The following NINL variants were observed in gnomAD, a reference collection of about 807,000 sequenced individuals.
NINL encodes ninein like, also known as ninein-like protein.
A neutral mutation model predicts 160.3 loss-of-function variants in NINL; 153 were observed. That is an observed-to-expected ratio of 0.95 (90% CI 0.84 to 1.09). The LOEUF is 1.09. Among genes scored for constraint, NINL ranks in the 50% least tolerant of loss-of-function variants. The pLI is 0.00. For missense variants in NINL, 1,829 were observed against 1,764.0 expected, an observed-to-expected ratio of 1.04 and a Z score of -0.66; for synonymous variants, 800 against 734.8, an observed-to-expected ratio of 1.09 and a Z score of -1.43.
rs140596312 is a variant in NINL, at chr20:25,461,377, G to C, written c.3696+145C>G. The C allele has an allele frequency of 7.5e-3, 4,250 of 568,490 alleles. 36 individuals are homozygous for C. Among genetic ancestry groups the C allele is most frequent in the Non-Finnish European group, 9.6e-3 (3,110 of 325,510 alleles). 35.2% of individuals were successfully genotyped at this position (568,490 alleles called of 1,614,324 possible). On this transcript the variant is annotated intron_variant, in intron 21 of 23. Coordinates refer to ENST00000278886, the MANE Select transcript of NINL (RefSeq NM_025176.6). ...CTGCACTGGGAGCAGCTTCGGTCCT[G>C]GCCCGGTAAGCACCTGGACAGCTGT...
chr20:25,482,023 G>T lies in NINL; in HGVS notation c.1755C>A (p.Ser585Arg). 1 of 1,598,668 alleles carries T rather than the reference G, an allele frequency of 6.3e-7. No individual in the cohort carries two copies. The highest frequency in any genetic ancestry group is 8.5e-7 in the Non-Finnish European group (1 of 1,179,774). The change falls in exon 14 of 24, where the codon AGC becomes AGA. Residue 585 changes from serine (S) to arginine (R), a missense_variant. Transcript: ENST00000278886. ...TGCGCCCATCCGGGCTCCATGAGGG[G>T]CTGTGCCGGTTCTTGGGCAGCCGCG... ...LWARLPKNRH[S>R]PSWSPDGRRR...
chr20:25,460,921 C>G (rs1347048047), intron 21 of NINL, among the ~76,000 whole-genome samples: 6 of 152,198 alleles, frequency 3.9e-5, no homozygotes, highest in African/African-American at 1.4e-4. Flanking sequence ...GCACCTTTGG[C>G]CGTTACACAC....
chr20:25,574,369 TAGG>T (rs2065091156), intron 1 of NINL, among the ~76,000 whole-genome samples: 1 of 151,642 alleles, frequency 6.6e-6, no homozygotes, highest in Non-Finnish European at 1.5e-5. Context: ...TTTTTTTTTC[TAGG>T]AGAATGCTTT....
chr20:25,540,482 G>C (rs1292979094), intron 1 of NINL, among the ~76,000 whole-genome samples: 1 of 152,116 alleles, frequency 6.6e-6, no homozygotes, highest in Non-Finnish European at 1.5e-5. Context: ...GGGAATTTAA[G>C]CTATGCCCCC....
intron 2 of NINL, among the ~76,000 whole-genome samples, chr20:25,521,995 C>T (rs998250903): frequency 2.0e-5 from 3 of 152,182 alleles, no homozygotes; most frequent in Non-Finnish European, 4.4e-5. Context: ...CAGCTTCAAT[C>T]TCCCAAGCTC....
intron 2 of NINL, among the ~76,000 whole-genome samples, chr20:25,520,581 T>C (rs1335716853): frequency 6.6e-6 from 1 of 152,238 alleles, no homozygotes; most frequent in Admixed American, 6.5e-5. Flanking sequence ...TTTGCCTCTG[T>C]ATCCTTTCAC....
chr20:25,538,923 C>A (rs917138908), intron 1 of NINL, among the ~76,000 whole-genome samples: 6 of 152,300 alleles, frequency 3.9e-5, no homozygotes. Context: ...GCAGAAGACA[C>A]TTGCCAGCCA....
chr20:25,515,829 G>T (rs1204723871), intron 3 of NINL, among the ~76,000 whole-genome samples: 2 of 152,074 alleles, frequency 1.3e-5, no homozygotes, highest in Non-Finnish European at 2.9e-5. Context: ...GGAATGCAGT[G>T]GTGCAATCTC....
chr20:25,569,021 G>T (rs1464830633), intron 1 of NINL, among the ~76,000 whole-genome samples: 1 of 151,718 alleles, frequency 6.6e-6, no homozygotes, highest in Non-Finnish European at 1.5e-5. Flanking sequence ...CTTGAGGTCA[G>T]GAGTTTCTGA....
intron 1 of NINL, among the ~76,000 whole-genome samples, chr20:25,559,654 G>A (rs1322491958): frequency 6.6e-6 from 1 of 152,162 alleles, no homozygotes; most frequent in Non-Finnish European, 1.5e-5. Flanking sequence ...AGGCTGGAGT[G>A]CAATGGCCCC....
At chr20:25,580,348 A>AAAAT in intron 1 of NINL, among the ~76,000 whole-genome samples, 1 of 150,872 alleles carries the variant, frequency 6.6e-6, no homozygotes, top group African/African-American at 2.4e-5. Context: ...AAAAAAAAAA[A>AAAAT]TGTAATGATT....
At chr20:25,468,225 C>T (rs936851240) in intron 18 of NINL, among the ~76,000 whole-genome samples, 5 of 152,094 alleles carry the variant, frequency 3.3e-5, no homozygotes, top group African/African-American at 7.2e-5. Flanking sequence ...CCCTGACTCT[C>T]GCTGATGGAT....
At chr20:25,491,912 G>A (rs2063649621) in intron 10 of NINL, among the ~76,000 whole-genome samples, 1 of 152,232 alleles carries the variant, frequency 6.6e-6, no homozygotes, top group African/African-American at 2.4e-5. Flanking sequence ...CTCCCAAGGA[G>A]GGAGGCAGCA....
intron 13 of NINL, among the ~76,000 whole-genome samples, chr20:25,484,474 G>A (rs750776939): frequency 1.3e-5 from 2 of 152,202 alleles, no homozygotes; most frequent in Non-Finnish European, 2.9e-5. Context: ...GCCAGCAAGT[G>A]TGGAAACATT....
chr20:25,491,349 A>G lies in NINL; in HGVS notation c.1485+2T>C. 6.2e-7 allele frequency: 1 copy of G among 1,604,186 alleles called. No homozygotes were observed. Among genetic ancestry groups the G allele is most frequent in the Non-Finnish European group, 8.5e-7 (1 of 1,177,106 alleles). ...TCCTGGATGCCCTGGGGATGCCCCT[A>G]CCTTCAGGGCCAGGGTCAGCTTCTC... is the stretch of plus-strand genomic sequence containing the variant. On this transcript the variant is annotated splice_donor_variant, in intron 11 of 23. Coordinates refer to ENST00000278886, the MANE Select transcript of NINL (RefSeq NM_025176.6). LOFTEE classifies it high-confidence loss of function.
intron 21 of NINL, among the ~76,000 whole-genome samples, chr20:25,460,827 T>C (rs1406256379): frequency 6.6e-6 from 1 of 152,188 alleles, no homozygotes; most frequent in Non-Finnish European, 1.5e-5. Context: ...GGAGAGACCC[T>C]TTCCCACAGC....
intron 1 of NINL, among the ~76,000 whole-genome samples, chr20:25,551,381 A>G (rs1392520960): frequency 6.6e-6 from 1 of 152,098 alleles, no homozygotes; most frequent in African/African-American, 2.4e-5. Flanking sequence ...AAATAAATAA[A>G]TAAAAAAAAA....
At chr20:25,579,140 G>A (rs1304171235) in intron 1 of NINL, among the ~76,000 whole-genome samples, 1 of 152,124 alleles carries the variant, frequency 6.6e-6, no homozygotes, top group Non-Finnish European at 1.5e-5. Flanking sequence ...TCCCTCGGAG[G>A]CAGTAAGGGA....
intron 1 of NINL, among the ~76,000 whole-genome samples, chr20:25,532,396 GC>G (rs1291243005): frequency 6.6e-6 from 1 of 152,262 alleles, no homozygotes; most frequent in East Asian, 1.9e-4. Flanking sequence ...CTGGCAAACA[GC>G]GGTCCCCTCT....
Sources: allele counts gnomAD v4.1 joint callset (sites outside exome capture counted in the v4.1 genomes callset), GRCh38; gene constraint gnomAD v4.1.1; transcripts MANE v1.5; gene names NCBI Gene and HGNC (gene_info 2026-07-23, HGNC 2026-07-21).